Variants in NLRP2 observed in about 807,000 individuals in gnomAD.
NLRP2 encodes NACHT, LRR and PYD domains-containing protein 2.
In NLRP2, 107 loss-of-function variants were observed where a neutral mutation model predicts 97.2. That is an observed-to-expected ratio of 1.10 (90% CI 0.94 to 1.29). NLRP2 has a LOEUF of 1.29. Among genes scored for constraint, NLRP2 ranks in the 50% most tolerant of loss-of-function variants. The pLI, the probability that NLRP2 is intolerant of heterozygous loss-of-function variation, is 0.00. For synonymous variants in NLRP2, 663 were observed against 551.5 expected (o/e 1.20, Z -2.83); for missense variants, 1,495 against 1,330.3 (o/e 1.12, Z -1.93).
intron 8 of NLRP2, among the ~76,000 whole-genome samples, chr19:54,988,535 G>T (rs553980581): frequency 2.0e-5 from 3 of 151,866 alleles, no homozygotes; most frequent in African/African-American, 4.8e-5. Context: ...TCCTGACCTC[G>T]GGCAATCCAC....
Position 54,982,810 on chromosome 19 carries a change from A to G in NLRP2, c.1112A>G (p.His371Arg). The G allele has an allele frequency of 3.7e-6, 6 of 1,613,868 alleles. No individual in the cohort carries two copies. The highest frequency in any genetic ancestry group is 5.1e-6 in the Non-Finnish European group (6 of 1,179,974). Residue 371 changes from histidine to arginine, a missense_variant, in exon 6 of 13, where the codon CAC becomes CGC. Coordinates refer to ENST00000448584, the MANE Select transcript of NLRP2 (RefSeq NM_017852.5). ...GACAGGAGGGCCTATTTCCTGAGAC[A>G]CTTTGGAGACGAGGACCAAGCCATG... ...EEDRRAYFLR[H>R]FGDEDQAMRA...
intron 3 of NLRP2, 30 bp from the exon 4 acceptor site, chr19:54,977,722 C>T: frequency 6.2e-7 from 1 of 1,611,274 alleles, no homozygotes; most frequent in Non-Finnish European, 8.5e-7. Flanking sequence ...AGCACAGCAA[C>T]AGGCCTGTAA....
intron 4 of NLRP2, among the ~76,000 whole-genome samples, chr19:54,978,864 TTGAC>T (rs1263426315): frequency 2.5e-4 from 38 of 150,300 alleles, no homozygotes; most frequent in African/African-American, 9.3e-4. Flanking sequence ...AAAAAAAAAA[TTGAC>T]AGGCATAAAT....
Position 54,997,470 on chromosome 19 carries a change from C to T in NLRP2, c.3033C>T (p.Gly1011=), listed in dbSNP as rs772369162. 4 of 1,614,054 alleles carry T rather than the reference C, an allele frequency of 2.5e-6. No homozygotes were observed. The highest frequency in any genetic ancestry group is 2.5e-6 in the Non-Finnish European group (3 of 1,180,038). ...TTGAAACCTTGACATGTTCCAGTGG[C>T]ACCCTCCGGACACTCAGGTATGATC... ...MLFETLTCSS[G]TLRTLRLKID... The change falls in exon 12 of 13, where the codon GGC becomes GGT. Residue 1011 remains glycine, a synonymous_variant. Coordinates refer to ENST00000448584, the MANE Select transcript of NLRP2 (RefSeq NM_017852.5).
chr19:55,001,023 G>C lies in NLRP2; in HGVS notation c.*125G>C. 5 of 832,126 alleles carry C rather than the reference G, an allele frequency of 6.0e-6. No individual in the cohort carries two copies. Among genetic ancestry groups the C allele is most frequent in the Non-Finnish European group, 8.0e-6 (4 of 498,522 alleles). The allele number at this position is 832,126 out of a possible 1,614,324, so 51.5% of individuals were successfully genotyped here. A position where few individuals can be genotyped will look rare whatever the true frequency, so the allele number is the denominator to read the frequency against. ...TAATGAGTTCATTGCTGGGCTAGATGTTTTAGCCATGATTCTGCCTCTGTT... is the reference window on the plus strand; with the variant it reads ...TAATGAGTTCATTGCTGGGCTAGATCTTTTAGCCATGATTCTGCCTCTGTT... On this transcript the variant is annotated 3_prime_UTR_variant, in exon 13 of 13. Coordinates refer to ENST00000448584, the MANE Select transcript of NLRP2 (RefSeq NM_017852.5).
intron 1 of NLRP2, among the ~76,000 whole-genome samples, chr19:54,967,033 G>T (rs2146315465): frequency 6.6e-6 from 1 of 151,708 alleles, no homozygotes; most frequent in Non-Finnish European, 1.5e-5. Context: ...TATTACCACT[G>T]TTTGCAGAGA....
At chr19:54,992,661 T>C (rs925963240) in intron 10 of NLRP2, among the ~76,000 whole-genome samples, 1 of 149,386 alleles carries the variant, frequency 6.7e-6, no homozygotes, top group Non-Finnish European at 1.5e-5. Flanking sequence ...ACCTCCTGAG[T>C]TCAGGTGTGA....
rs375208908 is a variant in NLRP2, at chr19:54,983,045, G to A, written c.1347G>A (p.Thr449=). 12 of 1,611,404 alleles carry A rather than the reference G, an allele frequency of 7.4e-6. No individual in the cohort carries two copies. Among genetic ancestry groups the A allele is most frequent in the African/African-American group, 5.3e-5 (4 of 74,988 alleles). ...QGAQLRGALR[T]LSLLAAQGLW... ...CACAGCTGCGGGGCGCGCTGCGGAC[G>A]CTGAGCCTCCTGGCCGCGCAGGGCC... The change falls in exon 6 of 13, where the codon ACG becomes ACA. Residue 449 remains threonine (T), a synonymous_variant. Coordinates refer to ENST00000448584, the MANE Select transcript of NLRP2 (RefSeq NM_017852.5).
At chr19:54,979,032 T>C (rs1024312315) in intron 4 of NLRP2, among the ~76,000 whole-genome samples, 1 of 151,626 alleles carries the variant, frequency 6.6e-6, no homozygotes, top group African/African-American at 2.4e-5. Context: ...TCATGCAGGC[T>C]GGAGTGCAGT....
At chr19:54,984,967 G>GT in intron 6 of NLRP2, 80 bp from the exon 7 acceptor site, 1 of 1,340,670 alleles carries the variant, frequency 7.5e-7, no homozygotes, top group South Asian at 1.2e-5. Context: ...TTTGTCAGGG[G>GT]TATATGCCCA....
chr19:54,976,115 C>G (rs184879115), intron 3 of NLRP2, among the ~76,000 whole-genome samples: 3 of 151,928 alleles, frequency 2.0e-5, no homozygotes, highest in Admixed American at 2.0e-4. Flanking sequence ...GTGGCATGAT[C>G]TCAGCTCACT....
At chr19:54,968,713 T>TTTTTTTTTTTTTTTTTTA (rs1454134577) in intron 1 of NLRP2, among the ~76,000 whole-genome samples, 3 of 135,660 alleles carry the variant, frequency 2.2e-5, no homozygotes, top group African/African-American at 5.4e-5. Context: ...TTTTTTTTTT[T>TTTTTTTTTTTTTTTTTTA]GAGACAGTTT....
intron 11 of NLRP2, 41 bp downstream of exon 11, chr19:54,994,480 T>G (rs760271445): frequency 1.2e-6 from 2 of 1,600,514 alleles, no homozygotes; most frequent in African/African-American, 1.3e-5. Context: ...ACTTACACCT[T>G]ACTGAATCTG....
chr19:54,973,875 C>G, intron 2 of NLRP2: 2 of 655,392 alleles, frequency 3.1e-6, no homozygotes, highest in South Asian at 1.4e-5. Context: ...AAGCACCACC[C>G]CCACAAAGTG....
chr19:55,000,990 CT>C lies in NLRP2; in HGVS notation c.*93del, dbSNP rs149272813. 1,940 of 1,161,440 alleles carry C rather than the reference CT, an allele frequency of 1.7e-3. 25 individuals are homozygous for C. In the African/African-American group the frequency reaches 0.026, roughly 16 times the overall value. 71.9% of individuals were successfully genotyped at this position (1,161,440 alleles called of 1,614,324 possible). ...CTCCTCTCCTCCCCGGCCCCTACCC[CT>C]CAGGGATAATGAGTTCATTGCTGGG... On this transcript the variant is annotated 3_prime_UTR_variant, in exon 13 of 13. Transcript: ENST00000448584.
rs190659677 is a variant in NLRP2 at position 54,991,900 on chromosome 19, C to G, written c.2708+1228C>G. ...CACTGATGGTTTCTGTTCAGAGATT[C>G]GATTTTATGTTAACATCTCTGGTAT... On this transcript the variant is annotated intron_variant, in intron 10 of 12. Transcript: ENST00000448584. Among the ~76,000 whole-genome samples the G allele has an allele frequency of 4.7e-4, 67 of 143,518 alleles. 1 individual carries two copies. Among genetic ancestry groups the G allele is most frequent in the African/African-American group, 1.7e-3 (66 of 39,520 alleles). 94.2% of individuals were successfully genotyped at this position (143,518 alleles called of 152,430 possible).
rs572941162 is a variant in NLRP2 at position 54,969,918 on chromosome 19, C to T, written c.-17-81C>T. On this transcript the variant is annotated intron_variant, in intron 1 of 12. Coordinates refer to ENST00000448584, the MANE Select transcript of NLRP2 (RefSeq NM_017852.5). ...AGGGTAGATGGTGAGTGTCCTTGTT[C>T]GTGGCACAGCAGGAACTGGCATTTG... is the stretch of plus-strand genomic sequence containing the variant. The T allele has an allele frequency of 1.9e-4, 262 of 1,389,842 alleles. 1 individual carries two copies. Among genetic ancestry groups the T allele is most frequent in the Non-Finnish European group, 1.9e-4 (191 of 982,422 alleles). The allele number at this position is 1,389,842 out of a possible 1,614,324, so 86.1% of individuals were successfully genotyped here.
rs1568499753 is a variant in NLRP2, at chr19:54,983,197, C to T, written c.1499C>T (p.Ser500Phe). The T allele has an allele frequency of 6.2e-7, 1 of 1,614,008 alleles. No homozygotes were observed. The highest frequency in any genetic ancestry group is 1.1e-5 in the South Asian group (1 of 91,078). Residue 500 changes from serine (S) to phenylalanine (F), a missense_variant, in exon 6 of 13, where the codon TCC (serine) becomes TTC (phenylalanine). Coordinates refer to ENST00000448584, the MANE Select transcript of NLRP2 (RefSeq NM_017852.5). Reference sequence around the variant, plus strand: ...GACAGAGTCTCCAAAGGCTGCTACTCCTTCATCCACCTCAGCTTCCAGCAG... The same window carrying T: ...GACAGAGTCTCCAAAGGCTGCTACTTCTTCATCCACCTCAGCTTCCAGCAG... ...RQDRVSKGCYSFIHLSFQQFL... is the reference protein window; with the variant it reads ...RQDRVSKGCYFFIHLSFQQFL...
At chr19:54,985,706 A>G (rs543700978) in intron 7 of NLRP2, among the ~76,000 whole-genome samples, 10 of 149,350 alleles carry the variant, frequency 6.7e-5, no homozygotes, top group South Asian at 2.1e-4. Flanking sequence ...AAAGAAAAAG[A>G]AAAAAAGGGC....
Sources: allele counts gnomAD v4.1 joint callset (sites outside exome capture counted in the v4.1 genomes callset), GRCh38; gene constraint gnomAD v4.1.1; transcripts MANE v1.5; gene names NCBI Gene and HGNC (gene_info 2026-07-23, HGNC 2026-07-21).